The following RASSF8 variants were observed in gnomAD, a reference collection of about 807,000 sequenced individuals.
The protein encoded by RASSF8 is ras association domain-containing protein 8.
Under a neutral mutation model 48.5 loss-of-function variants are expected in RASSF8, and 22 were observed. The observed-to-expected ratio is 0.45, with a 90% confidence interval of 0.32 to 0.65. The LOEUF (loss-of-function observed/expected upper bound fraction) is 0.65. Among genes scored for constraint, RASSF8 ranks in the 30% least tolerant of loss-of-function variants. The probability of loss-of-function intolerance (pLI) is 0.03; values close to 1 mark genes in which losing one functional copy is unlikely to be tolerated. For missense variants in RASSF8, 418 were observed against 489.2 expected (o/e 0.85, Z 1.37); for synonymous variants, 127 against 171.5 (o/e 0.74, Z 2.03).
intron 2 of RASSF8, chr12:26,052,864 A>G (rs1037858783): frequency 1.9e-4 from 29 of 152,220 alleles, no homozygotes; most frequent in Admixed American, 7.9e-4. Context: ...ATGACTCAAT[A>G]TATGACTAAA....
At chr12:25,958,333 T>G (rs1941127409), upstream of RASSF8, 1 of 151,566 alleles carries the variant, frequency 6.6e-6, no homozygotes. Context: ...TTTCGGGTCC[T>G]CAGGCCTCGG....
At chr12:26,040,511 G>A (rs1591791409) in intron 2 of RASSF8, among the ~76,000 whole-genome samples, 2 of 152,112 alleles carry the variant, frequency 1.3e-5, no homozygotes, top group African/African-American at 2.4e-5. Flanking sequence ...TTTTTCTGAC[G>A]GGCTTGTGCC....
At position 25,968,620 on chromosome 12, in the gene RASSF8, A is replaced by G. The variant is rs141830742; in HGVS notation, c.-203+9472A>G. Among the ~76,000 whole-genome samples the G allele has an allele frequency of 9.3e-4, 141 of 152,338 alleles. 1 individual carries two copies. In the East Asian group the frequency reaches 0.021, roughly 23 times the overall value. Reference sequence around the variant, plus strand: ...CAGCCTCCCAAAGTGCTGGGATTACAGGCATGAGCCATCGCACCCAGCCTG... The same window carrying G: ...CAGCCTCCCAAAGTGCTGGGATTACGGGCATGAGCCATCGCACCCAGCCTG... On this transcript the variant is annotated intron_variant, in intron 1 of 5. Transcript: ENST00000689635.
chr12:26,024,575 A>G (rs556565189), intron 2 of RASSF8, among the ~76,000 whole-genome samples: 1 of 152,194 alleles, frequency 6.6e-6, no homozygotes, highest in Non-Finnish European at 1.5e-5. Context: ...AACACTTGCA[A>G]ACTAAATTTA....
chr12:26,015,554 G>A (rs573223860), intron 2 of RASSF8, among the ~76,000 whole-genome samples: 2 of 152,178 alleles, frequency 1.3e-5, no homozygotes, highest in Non-Finnish European at 2.9e-5. Flanking sequence ...AAATTAATGT[G>A]TGAGGCCGTG....
At chr12:26,031,602 AG>A (rs1022414493) in intron 2 of RASSF8, among the ~76,000 whole-genome samples, 3 of 152,164 alleles carry the variant, frequency 2.0e-5, no homozygotes, top group African/African-American at 7.2e-5. Context: ...GAGATGATAA[AG>A]GTTTGGAACT....
intron 2 of RASSF8, among the ~76,000 whole-genome samples, chr12:25,995,922 G>T (rs553109333): frequency 6.6e-6 from 1 of 152,292 alleles, no homozygotes; most frequent in African/African-American, 2.4e-5. Context: ...AAAGTTATGT[G>T]TGTGCATTTT....
intron 2 of RASSF8, among the ~76,000 whole-genome samples, chr12:26,045,089 A>G (rs1433062368): frequency 3.3e-5 from 5 of 152,180 alleles, no homozygotes; most frequent in Non-Finnish European, 7.4e-5. Flanking sequence ...AAATAGAACA[A>G]TCAAAATTAT....
rs16929962 is a variant in RASSF8 at position 26,049,271 on chromosome 12, T to G, written c.-108-5965T>G. On this transcript the variant is annotated intron_variant, in intron 2 of 5. Coordinates refer to ENST00000689635, the MANE Select transcript of RASSF8 (RefSeq NM_001394098.1). ...TTTTTAGTGGTGTTGGCTAGTAAATTAGATTAGTAAGAGGAATTATTCTGA... is the reference window on the plus strand; with the variant it reads ...TTTTTAGTGGTGTTGGCTAGTAAATGAGATTAGTAAGAGGAATTATTCTGA... Among the ~76,000 whole-genome samples, 627 of 152,320 alleles carry G rather than the reference T, an allele frequency of 4.1e-3. 5 individuals are homozygous for G. The highest frequency in any genetic ancestry group is 0.024 in the Middle Eastern group (7 of 294).
intron 3 of RASSF8, among the ~76,000 whole-genome samples, chr12:26,062,516 A>T (rs1055042332): frequency 2.0e-5 from 3 of 152,214 alleles, no homozygotes; most frequent in Admixed American, 2.0e-4. Context: ...TATCCCACAG[A>T]TGAGGAGACT....
chr12:25,958,473 C>T (rs1480907160), upstream of RASSF8: 1 of 151,480 alleles, frequency 6.6e-6, no homozygotes, highest in Non-Finnish European at 1.5e-5. Context: ...CGTCCCAGTT[C>T]CGTTACGAGG....
At chr12:25,984,080 G>A (rs1200511509) in intron 1 of RASSF8, among the ~76,000 whole-genome samples, 1 of 152,050 alleles carries the variant, frequency 6.6e-6, no homozygotes, top group Non-Finnish European at 1.5e-5. Context: ...TTTATTTCTG[G>A]AGATAGGGTC....
intron 3 of RASSF8, among the ~76,000 whole-genome samples, chr12:26,060,028 G>C (rs1367396157): frequency 2.0e-5 from 3 of 152,116 alleles, no homozygotes; most frequent in Non-Finnish European, 2.9e-5. Flanking sequence ...CTCCCGAGTA[G>C]CTGGGACTAC....
intron 1 of RASSF8, among the ~76,000 whole-genome samples, chr12:25,964,554 A>C (rs1041199205): frequency 6.6e-6 from 1 of 152,186 alleles, no homozygotes; most frequent in African/African-American, 2.4e-5. Flanking sequence ...TTGGCTCGTG[A>C]GTGCTAAATC....
At position 26,069,805 on chromosome 12, in the gene RASSF8, C is replaced by G. The variant is rs561677068; in HGVS notation, c.*987C>G. 6 of 985,172 alleles carry G rather than the reference C, an allele frequency of 6.1e-6. No homozygotes were observed. In the South Asian group the frequency reaches 2.8e-4, roughly 46 times the overall value. The allele number at this position is 985,172 out of a possible 1,614,324, so 61.0% of individuals were successfully genotyped here. A position where few individuals can be genotyped will look rare whatever the true frequency, so the allele number is the denominator to read the frequency against. On this transcript the variant is annotated 3_prime_UTR_variant, in exon 6 of 6. Coordinates refer to ENST00000689635, the MANE Select transcript of RASSF8 (RefSeq NM_001394098.1). ...TGTACACACCATGGGTAAGGTATTGCTTGCACATAATTTGCTCTGCATATT... is the reference window on the plus strand; with the variant it reads ...TGTACACACCATGGGTAAGGTATTGGTTGCACATAATTTGCTCTGCATATT...
rs1943388062 is a variant in RASSF8, at chr12:26,047,079, T to A, written c.-108-8157T>A. On this transcript the variant is annotated intron_variant, in intron 2 of 5. Transcript: ENST00000689635. ...AACGGGAGTTAAACCATCATAGAACTTGGCACTGCACACATGCCTCAGATC... is the reference window on the plus strand; with the variant it reads ...AACGGGAGTTAAACCATCATAGAACATGGCACTGCACACATGCCTCAGATC... Among the ~76,000 whole-genome samples, 3 of 152,170 alleles carry A rather than the reference T, an allele frequency of 2.0e-5. No homozygotes were observed. The South Asian group carries it at 6.2e-4, about 32-fold the overall frequency.
intron 1 of RASSF8, among the ~76,000 whole-genome samples, chr12:25,975,195 C>T (rs1385441843): frequency 6.6e-6 from 1 of 152,118 alleles, no homozygotes; most frequent in African/African-American, 2.4e-5. Flanking sequence ...ACAAACAGGA[C>T]AACAGGTCCA....
chr12:26,005,480 C>A (rs572430095), intron 2 of RASSF8, among the ~76,000 whole-genome samples: 1 of 152,062 alleles, frequency 6.6e-6, no homozygotes, highest in Non-Finnish European at 1.5e-5. Context: ...ATATTGAGAC[C>A]GTGCCTATAT....
chr12:25,971,457 A>G (rs1349940447), intron 1 of RASSF8, among the ~76,000 whole-genome samples: 2 of 152,152 alleles, frequency 1.3e-5, no homozygotes, highest in African/African-American at 2.4e-5. Flanking sequence ...ATCCTGTTGC[A>G]TATTCAGAAT....
Sources: allele counts gnomAD v4.1 joint callset (sites outside exome capture counted in the v4.1 genomes callset), GRCh38; gene constraint gnomAD v4.1.1; transcripts MANE v1.5; gene names NCBI Gene and HGNC (gene_info 2026-07-23, HGNC 2026-07-21).